Variants in YWHAQ observed in about 807,000 individuals in gnomAD.
YWHAQ encodes the protein tyrosine 3-monooxygenase/tryptophan 5-monooxygenase activation protein theta.
In YWHAQ, 6 loss-of-function variants were observed where a neutral mutation model predicts 28.3. That is an observed-to-expected ratio of 0.21 (90% CI 0.12 to 0.42). The LOEUF (loss-of-function observed/expected upper bound fraction) is 0.42. Among genes scored for constraint, YWHAQ ranks in the 10% least tolerant of loss-of-function variants. The probability of loss-of-function intolerance (pLI) is 1.00; values close to 1 mark genes in which losing one functional copy is unlikely to be tolerated. For missense variants in YWHAQ, 201 were observed against 305.6 expected (o/e 0.66, Z 2.55); for synonymous variants, 143 against 119.1 (o/e 1.20, Z -1.31).
At chr2:9,601,699 G>C (rs1158963216) in intron 2 of YWHAQ, among the ~76,000 whole-genome samples, 1 of 152,094 alleles carries the variant, frequency 6.6e-6, no homozygotes, top group Non-Finnish European at 1.5e-5. Context: ...AGGTTGGAGT[G>C]CAGTGGTGTG....
At chr2:9,612,802 C>T (rs1486629234) in intron 2 of YWHAQ, among the ~76,000 whole-genome samples, 1 of 152,206 alleles carries the variant, frequency 6.6e-6, no homozygotes, top group Non-Finnish European at 1.5e-5. Flanking sequence ...AGTCTTTCAA[C>T]AGTAAGGCAG....
intron 5 of YWHAQ, 76 bp downstream of exon 5, chr2:9,587,335 AAAG>A (rs775571476): frequency 3.3e-5 from 43 of 1,319,952 alleles, no homozygotes; most frequent in Admixed American, 4.4e-5. Context: ...ATCTTCCCTA[AAAG>A]ACACGAAGTC....
In YWHAQ at chr2:9,588,339, C is replaced by T. The variant is rs201265459; in HGVS notation, c.419-11G>A. 40 of 1,600,182 alleles carry T rather than the reference C, an allele frequency of 2.5e-5. No homozygotes were observed. Among genetic ancestry groups the T allele is most frequent in the Admixed American group, 1.8e-4 (10 of 55,774 alleles). On this transcript the variant is annotated splice_polypyrimidine_tract_variant and intron_variant, in intron 3 of 5. Coordinates refer to ENST00000238081, the MANE Select transcript of YWHAQ (RefSeq NM_006826.4). Reference sequence around the variant, plus strand: ...AATTATCTATCGTTTCTGTGAAGAGCGAAAAATAAGAAGTGCAATATTAAA... The same window carrying T: ...AATTATCTATCGTTTCTGTGAAGAGTGAAAAATAAGAAGTGCAATATTAAA...
chr2:9,629,958 A>T (rs1229383372), intron 2 of YWHAQ, among the ~76,000 whole-genome samples: 1 of 152,176 alleles, frequency 6.6e-6, no homozygotes, highest in Non-Finnish European at 1.5e-5. Flanking sequence ...GGCGAAAAAA[A>T]AGGACTTATC....
intron 2 of YWHAQ, among the ~76,000 whole-genome samples, chr2:9,623,389 A>C (rs937013443): frequency 5.9e-5 from 9 of 152,250 alleles, no homozygotes; most frequent in African/African-American, 1.9e-4. Context: ...CGAGAACTTA[A>C]GTAAATCCTA....
chr2:9,587,985 G>C (rs535931165), intron 4 of YWHAQ, among the ~76,000 whole-genome samples, 180 bp downstream of exon 4: 3 of 152,140 alleles, frequency 2.0e-5, no homozygotes, highest in East Asian at 1.9e-4. Flanking sequence ...ATAATCATAG[G>C]GTAGAGTAAG....
At chr2:9,629,728 G>A (rs2125076360) in intron 2 of YWHAQ, among the ~76,000 whole-genome samples, 1 of 152,258 alleles carries the variant, frequency 6.6e-6, no homozygotes, top group East Asian at 1.9e-4. Flanking sequence ...TCCATTACTG[G>A]GTTTGGGAAA....
rs1374658468 is a variant in YWHAQ, at chr2:9,630,680, G to A, written c.-82-146C>T. Reference sequence around the variant, plus strand: ...CCGCCCCCTCCCCCGCTGGGCACCCGGGGAGGCCGCGGCCCGCGGCTGGAG... The same window carrying A: ...CCGCCCCCTCCCCCGCTGGGCACCCAGGGAGGCCGCGGCCCGCGGCTGGAG... On this transcript the variant is annotated intron_variant, in intron 1 of 5. Transcript: ENST00000238081. The surrounding 1 kb of genome is among the most constrained non-coding windows in gnomAD (Gnocchi z 5.6). 4 of 321,290 alleles carry A rather than the reference G, an allele frequency of 1.2e-5. No individual in the cohort carries two copies. Among genetic ancestry groups the A allele is most frequent in the South Asian group, 2.0e-4 (2 of 9,772 alleles). 19.9% of individuals were successfully genotyped at this position (321,290 alleles called of 1,614,324 possible).
At chr2:9,585,672 C>T (rs1276878142) in intron 5 of YWHAQ, among the ~76,000 whole-genome samples, 1 of 152,076 alleles carries the variant, frequency 6.6e-6, no homozygotes, top group Non-Finnish European at 1.5e-5. Context: ...CGTAGGGAGG[C>T]CAAGATGAGA....
rs142805266 is a variant in YWHAQ at position 9,595,660 on chromosome 2, T to G, written c.295-4145A>C. 1.1e-3 allele frequency among the ~76,000 whole-genome samples: 155 copies of G among 146,694 alleles called. 1 individual carries two copies. Among genetic ancestry groups the G allele is most frequent in the African/African-American group, 3.7e-3 (147 of 39,528 alleles). The stretch of plus-strand genomic sequence containing the variant: ...CAGAAGTTCCAGTGAGCTGAGATAT[T>G]GCACTCCAGCCTGGGCAACAAGAGC... On this transcript the variant is annotated intron_variant, in intron 2 of 5. Coordinates refer to ENST00000238081, the MANE Select transcript of YWHAQ (RefSeq NM_006826.4).
intron 2 of YWHAQ, among the ~76,000 whole-genome samples, chr2:9,615,660 T>C (rs1667028730): frequency 6.6e-6 from 1 of 152,030 alleles, no homozygotes; most frequent in Non-Finnish European, 1.5e-5. Flanking sequence ...TTAAAACAGA[T>C]AAAAGGGAGC....
chr2:9,589,131 C>G (rs887943394), intron 3 of YWHAQ, among the ~76,000 whole-genome samples: 12 of 151,682 alleles, frequency 7.9e-5, no homozygotes, highest in African/African-American at 2.7e-4. Context: ...ACAAACAAAA[C>G]AAAAAACCAG....
chr2:9,625,462 T>C (rs997241577), intron 2 of YWHAQ, among the ~76,000 whole-genome samples: 6 of 152,216 alleles, frequency 3.9e-5, no homozygotes, highest in East Asian at 1.9e-4. Context: ...CTTATATTTA[T>C]TAAAATGCAC....
chr2:9,623,849 G>C (rs1186606922), intron 2 of YWHAQ, among the ~76,000 whole-genome samples: 2 of 152,040 alleles, frequency 1.3e-5, no homozygotes, highest in Non-Finnish European at 2.9e-5. Flanking sequence ...TATGAAGGAG[G>C]GGAGGAGATT....
rs1318109139 is a variant in YWHAQ at position 9,589,539 on chromosome 2, C to T, written c.419-1211G>A. On this transcript the variant is annotated intron_variant, in intron 3 of 5. Transcript: ENST00000238081. ...CGGAGCTTACGGTGAGCCAAGATCG[C>T]GCCATTGCACTTCAACCTGGGCAAC... 3.9e-5 allele frequency among the ~76,000 whole-genome samples: 6 copies of T among 152,224 alleles called. No homozygotes were observed. In the South Asian group the frequency reaches 8.3e-4, roughly 21 times the overall value.
chr2:9,624,396 T>A (rs1667204544), intron 2 of YWHAQ, among the ~76,000 whole-genome samples: 1 of 151,808 alleles, frequency 6.6e-6, no homozygotes, highest in Non-Finnish European at 1.5e-5. Flanking sequence ...AGACAAGAGG[T>A]TCAGGTAAGA....
At chr2:9,613,885 T>A (rs1666997727) in intron 2 of YWHAQ, among the ~76,000 whole-genome samples, 1 of 152,236 alleles carries the variant, frequency 6.6e-6, no homozygotes. Context: ...GTGCTGTGAC[T>A]GCAGTGGTGA....
intron 2 of YWHAQ, among the ~76,000 whole-genome samples, chr2:9,602,862 AATATATATAT>A (rs71413909): frequency 0.014 from 300 of 20,740 alleles, 3 homozygotes; most frequent in Middle Eastern, 0.033. Flanking sequence ...AAAAAAAAAA[AATATATATAT>A]ATATATATAT....
chr2:9,592,043 G>C (rs1170385512), intron 2 of YWHAQ, among the ~76,000 whole-genome samples: 1 of 152,126 alleles, frequency 6.6e-6, no homozygotes, highest in Non-Finnish European at 1.5e-5. Context: ...AGAAGGAAAA[G>C]TAGAAATGCA....
Sources: allele counts gnomAD v4.1 joint callset (sites outside exome capture counted in the v4.1 genomes callset), GRCh38; gene constraint gnomAD v4.1.1; non-coding constraint Gnocchi (gnomAD v3.1); transcripts MANE v1.5; gene names NCBI Gene and HGNC (gene_info 2026-07-23, HGNC 2026-07-21).